SBF2: variants seen among roughly 807,000 people sequenced by gnomAD.
SBF2 encodes the protein myotubularin-related protein 13.
SBF2 carries 112 observed loss-of-function variants against 225.2 expected under a neutral mutation model. The observed-to-expected ratio is 0.50, with a 90% CI of 0.43 to 0.58. The LOEUF is 0.58. Ranked by LOEUF, SBF2 falls within the 20% of genes least tolerant of loss-of-function variation. The pLI, the probability that SBF2 is intolerant of heterozygous loss-of-function variation, is 0.00. For missense variants in SBF2, 1,996 were observed against 2,206.2 expected (o/e 0.90, Z 1.91); for synonymous variants, 763 against 773.3 (o/e 0.99, Z 0.22).
intron 1 of SBF2, among the ~76,000 whole-genome samples, chr11:10,268,261 T>C (rs1223082329): frequency 1.3e-5 from 2 of 152,198 alleles, no homozygotes; most frequent in Non-Finnish European, 2.9e-5. Context: ...GATTTTTTTT[T>C]CCACTTAAAA....
intron 16 of SBF2, among the ~76,000 whole-genome samples, chr11:9,938,014 C>T (rs572868035): frequency 4.0e-5 from 6 of 151,304 alleles, no homozygotes; most frequent in East Asian, 4.0e-4. Flanking sequence ...TTTTCAGGGT[C>T]GGGCACGGTA....
intron 2 of SBF2, among the ~76,000 whole-genome samples, chr11:10,078,675 T>C (rs1458370676): frequency 6.6e-6 from 1 of 152,128 alleles, no homozygotes; most frequent in African/African-American, 2.4e-5. Flanking sequence ...AAATACCTAA[T>C]GTAAATGACG....
At chr11:9,981,031 T>C (rs1200596126) in intron 13 of SBF2, among the ~76,000 whole-genome samples, 2 of 152,192 alleles carry the variant, frequency 1.3e-5, no homozygotes, top group African/African-American at 2.4e-5. Context: ...TCAGAAATAA[T>C]GGAATAACAT....
chr11:9,830,775 C>CAAAACAAAAA (rs1855350960), intron 27 of SBF2, among the ~76,000 whole-genome samples: 1 of 145,414 alleles, frequency 6.9e-6, no homozygotes, highest in Non-Finnish European at 1.5e-5. Flanking sequence ...CAAAACAAAA[C>CAAAACAAAAA]AAAAAACAAA....
At chr11:10,003,858 A>G (rs1162149662) in intron 6 of SBF2, among the ~76,000 whole-genome samples, 1 of 152,014 alleles carries the variant, frequency 6.6e-6, no homozygotes, top group Non-Finnish European at 1.5e-5. Flanking sequence ...CCTGTTTATT[A>G]CTGAACCAAA....
At chr11:10,179,739 TA>T (rs1282277871) in intron 2 of SBF2, among the ~76,000 whole-genome samples, 2 of 152,218 alleles carry the variant, frequency 1.3e-5, no homozygotes, top group Non-Finnish European at 2.9e-5. Context: ...GCCATTTTGT[TA>T]TTTGTTTTCT....
intron 2 of SBF2, among the ~76,000 whole-genome samples, chr11:10,181,502 C>T (rs1229609763): frequency 6.6e-6 from 1 of 152,018 alleles, no homozygotes; most frequent in Non-Finnish European, 1.5e-5. Flanking sequence ...TTTGGCCAGA[C>T]TTAAAGTATC....
chr11:10,293,586 C>A (rs1364915607), intron 1 of SBF2, among the ~76,000 whole-genome samples: 1 of 152,224 alleles, frequency 6.6e-6, no homozygotes, highest in Non-Finnish European at 1.5e-5. Flanking sequence ...AGAGGACAAC[C>A]CCCTGCGTCA....
intron 1 of SBF2, among the ~76,000 whole-genome samples, chr11:10,231,164 G>A (rs1334680928): frequency 1.3e-5 from 2 of 152,096 alleles, no homozygotes; most frequent in African/African-American, 4.8e-5. Context: ...GCTCCATCAG[G>A]TCCTTTAAGG....
chr11:9,808,204 G>A lies in SBF2; in HGVS notation c.4258-19C>T. 1 of 1,608,396 alleles carries A rather than the reference G, an allele frequency of 6.2e-7. No homozygotes were observed. The highest frequency in any genetic ancestry group is 1.1e-5 in the South Asian group (1 of 90,798). On this transcript the variant is annotated intron_variant, in intron 31 of 39. Coordinates refer to ENST00000256190, the MANE Select transcript of SBF2 (RefSeq NM_030962.4). ...ATGTCACCTAGGGCATAAGCAGGATGGATTGTCATTAATTTTAGTTCTGAA... is the reference window on the plus strand; with the variant it reads ...ATGTCACCTAGGGCATAAGCAGGATAGATTGTCATTAATTTTAGTTCTGAA...
chr11:10,011,338 C>T (rs1948448832), intron 6 of SBF2, among the ~76,000 whole-genome samples: 1 of 152,086 alleles, frequency 6.6e-6, no homozygotes, highest in Non-Finnish European at 1.5e-5. Context: ...ATGATCCTTC[C>T]ACCTTAGCCT....
intron 16 of SBF2, among the ~76,000 whole-genome samples, chr11:9,909,510 A>C (rs1287555598): frequency 6.6e-6 from 1 of 151,970 alleles, no homozygotes; most frequent in East Asian, 1.9e-4. Flanking sequence ...CCTCTACTAA[A>C]AATACAAAAA....
At chr11:10,250,934 G>A (rs577052051) in intron 1 of SBF2, among the ~76,000 whole-genome samples, 1 of 152,254 alleles carries the variant, frequency 6.6e-6, no homozygotes, top group African/African-American at 2.4e-5. Flanking sequence ...GAAGAAAATG[G>A]CATCCTTAAT....
intron 21 of SBF2, among the ~76,000 whole-genome samples, chr11:9,851,135 C>CAAAAAAAAA (rs773210379): frequency 1.4e-5 from 1 of 72,490 alleles, no homozygotes; most frequent in Non-Finnish European, 2.8e-5. Flanking sequence ...GACTCCATCT[C>CAAAAAAAAA]AAAAAAAAAA....
chr11:10,225,114 TA>T (rs1247635207), intron 1 of SBF2, among the ~76,000 whole-genome samples: 2 of 152,082 alleles, frequency 1.3e-5, no homozygotes, highest in African/African-American at 2.4e-5. Context: ...AAAGTGAACA[TA>T]AAAACATTCC....
intron 17 of SBF2, among the ~76,000 whole-genome samples, chr11:9,861,408 A>C (rs1857727935): frequency 6.6e-6 from 1 of 152,210 alleles, no homozygotes; most frequent in Non-Finnish European, 1.5e-5. Flanking sequence ...TCACGCCTGT[A>C]ATCCAAGCAC....
chr11:9,913,466 T>G (rs1000230063), intron 16 of SBF2, among the ~76,000 whole-genome samples: 1 of 152,154 alleles, frequency 6.6e-6, no homozygotes, highest in South Asian at 2.1e-4. Context: ...GGAATGAGAC[T>G]AGTATAATTA....
chr11:9,980,740 G>A (rs182238746), intron 13 of SBF2, among the ~76,000 whole-genome samples: 74 of 151,866 alleles, frequency 4.9e-4, no homozygotes, highest in African/African-American at 5.6e-4. Flanking sequence ...CACCGCGCCC[G>A]GCTAATTTTT....
At chr11:9,809,402 C>T (rs920372281) in intron 30 of SBF2, 7 of 172,914 alleles carry the variant, frequency 4.0e-5, no homozygotes, top group Non-Finnish European at 6.2e-5. Context: ...CATGATTCCC[C>T]CAAAAGTAGG....
Sources: allele counts gnomAD v4.1 joint callset (sites outside exome capture counted in the v4.1 genomes callset), GRCh38; gene constraint gnomAD v4.1.1; transcripts MANE v1.5; gene names NCBI Gene and HGNC (gene_info 2026-07-23, HGNC 2026-07-21).